Variants in GRK6 observed in about 807,000 individuals in gnomAD.
The protein encoded by GRK6 is G protein-coupled receptor kinase 6.
GRK6 carries 37 observed loss-of-function variants against 80.8 expected under a neutral mutation model. That is an observed-to-expected ratio of 0.46 (90% CI 0.35 to 0.60). The LOEUF (loss-of-function observed/expected upper bound fraction) is 0.60. Ranked by LOEUF, GRK6 falls within the 20% of genes least tolerant of loss-of-function variation. GRK6 has a pLI of 0.00. For missense variants in GRK6, 560 were observed against 784.6 expected, an observed-to-expected ratio of 0.71 and a Z score of 3.42; for synonymous variants, 295 against 320.9, an observed-to-expected ratio of 0.92 and a Z score of 0.86.
chr5:177,436,031 C>A, intron 11 of GRK6, 42 bp from the exon 12 acceptor site: 1 of 1,560,912 alleles, frequency 6.4e-7, no homozygotes, highest in Non-Finnish European at 8.8e-7. Context: ...GGGTCCACTG[C>A]CCGCCTCCTG....
At chr5:177,431,529 G>A (rs1285645461) in intron 2 of GRK6, among the ~76,000 whole-genome samples, 6 of 152,364 alleles carry the variant, frequency 3.9e-5, no homozygotes, top group African/African-American at 1.2e-4. Context: ...CTGCACGTGC[G>A]CAGAGCACAC....
upstream of GRK6, among the ~76,000 whole-genome samples, chr5:177,426,196 G>A (rs945638189): frequency 6.6e-6 from 1 of 152,182 alleles, no homozygotes; most frequent in African/African-American, 2.4e-5. Flanking sequence ...CTGCCAGCCC[G>A]CAGGAGGCCC....
At chr5:177,441,470 C>T in intron 15 of GRK6, 1 of 636,298 alleles carries the variant, frequency 1.6e-6, no homozygotes, top group Non-Finnish European at 2.7e-6. Flanking sequence ...GGGGAGAGGG[C>T]TGGGCAGAGG....
chr5:177,439,970 C>T (rs1042469088), intron 13 of GRK6: 18 of 152,282 alleles, frequency 1.2e-4, no homozygotes, highest in African/African-American at 4.3e-4. Context: ...GTTATTGCTG[C>T]TGTGAACATT....
Position 177,436,056 on chromosome 5 carries a change from C to G in GRK6, c.1058-17C>G. 1 of 1,600,900 alleles carries G rather than the reference C, an allele frequency of 6.2e-7. No homozygotes were observed. The highest frequency in any genetic ancestry group is 1.1e-5 in the South Asian group (1 of 90,712). Reference sequence around the variant, plus strand: ...CCCGCCTCCTGCCCAGCCCTAACTCCCATGCCGCCCGCCCAGCTCCGGAGG... The same window carrying G: ...CCCGCCTCCTGCCCAGCCCTAACTCGCATGCCGCCCGCCCAGCTCCGGAGG... On this transcript the variant is annotated splice_polypyrimidine_tract_variant and intron_variant, in intron 11 of 15. Transcript: ENST00000355472.
At chr5:177,432,524 G>A (rs1246746495) in intron 4 of GRK6, among the ~76,000 whole-genome samples, 182 bp from the exon 5 acceptor site, 3 of 152,186 alleles carry the variant, frequency 2.0e-5, no homozygotes, top group Non-Finnish European at 2.9e-5. Context: ...GCCTCCCAGT[G>A]GCTCTGCTGC....
In GRK6 at chr5:177,433,871, C is replaced by T. The variant is rs183940903; in HGVS notation, c.739-43C>T. On this transcript the variant is annotated intron_variant, in intron 8 of 15. Transcript: ENST00000355472. ...TTTTGGGCAGCCCTGCCGCCAAGCG[C>T]CCCGCAGCTCCTGCCTGAGGGCTCG... 6.3e-3 allele frequency: 9,534 copies of T among 1,518,386 alleles called. 43 individuals carry two copies. Among genetic ancestry groups the T allele is most frequent in the Non-Finnish European group, 7.9e-3 (8,957 of 1,132,096 alleles). The allele number at this position is 1,518,386 out of a possible 1,614,324, so 94.1% of individuals were successfully genotyped here. A position where few individuals can be genotyped will look rare whatever the true frequency, so the allele number is the denominator to read the frequency against.
intron 13 of GRK6, 43 bp from the exon 14 acceptor site, chr5:177,440,657 C>CGT (rs762945457): frequency 4.4e-6 from 7 of 1,606,176 alleles, no homozygotes; most frequent in South Asian, 1.1e-5. Flanking sequence ...TTCGCGTGTG[C>CGT]GTGTGTGTGT....
At position 177,428,370 on chromosome 5, in the gene GRK6, G is replaced by C. The variant is rs1397379385; in HGVS notation, c.52+1473G>C. On this transcript the variant is annotated intron_variant, in intron 1 of 15. Coordinates refer to ENST00000355472, the MANE Select transcript of GRK6 (RefSeq NM_001004106.3). This position sits in a 1 kb window ranked among gnomAD's most constrained non-coding sequence, Gnocchi z 4.1. ...GGCAAGGCACAGGGTGGTATGGCCA[G>C]ACTGGGGACTGGTACCTCCACTAGA... 6.6e-6 allele frequency among the ~76,000 whole-genome samples: 1 copy of C among 152,250 alleles called. No homozygotes were observed. The highest frequency in any genetic ancestry group is 1.5e-5 in the Non-Finnish European group (1 of 68,040).
chr5:177,430,792 A>T, intron 1 of GRK6, 80 bp from the exon 2 acceptor site: 1 of 1,246,620 alleles, frequency 8.0e-7, no homozygotes, highest in Non-Finnish European at 1.2e-6. Context: ...TGGGCCCTAG[A>T]GGCCGTGGAC....
intron 13 of GRK6, among the ~76,000 whole-genome samples, chr5:177,437,691 C>G (rs778520419): frequency 2.0e-5 from 3 of 152,252 alleles, no homozygotes; most frequent in Admixed American, 6.5e-5. Context: ...TTCTCCAGCT[C>G]TTGCCTGGCC....
At position 177,432,783 on chromosome 5, in the gene GRK6, A is replaced by G; in HGVS notation, c.417A>G (p.Lys139=). 6.2e-7 allele frequency: 1 copy of G among 1,612,356 alleles called. No homozygotes were observed. Among genetic ancestry groups the G allele is most frequent in the East Asian group, 2.2e-5 (1 of 44,852 alleles). ...AGCGGCTGGAGCAGGGTCCCTGCAA[A>G]GACCTTTTCCAGGAACTCACCCGGT... ...CTQRLEQGPC[K]DLFQELTRLT... The change falls in exon 5 of 16, where the codon AAA becomes AAG. Residue 139 remains lysine, a synonymous_variant. Coordinates refer to ENST00000355472, the MANE Select transcript of GRK6 (RefSeq NM_001004106.3).
chr5:177,433,456 G>A (rs749193131), intron 7 of GRK6, 46 bp downstream of exon 7: 1 of 1,611,092 alleles, frequency 6.2e-7, no homozygotes, highest in Admixed American at 1.7e-5. Context: ...TAGGGTGGGT[G>A]TGTTGGGACC....
At chr5:177,432,910 C>T (rs756109674) in intron 5 of GRK6, 104 bp downstream of exon 5, 105 of 966,972 alleles carry the variant, frequency 1.1e-4, no homozygotes, top group Non-Finnish European at 1.4e-4. Flanking sequence ...GGGAGCTCAG[C>T]TGCCCAGCCC....
Position 177,428,737 on chromosome 5 carries a change from A to G in GRK6, c.52+1840A>G, listed in dbSNP as rs376803208. On this transcript the variant is annotated intron_variant, in intron 1 of 15. Transcript: ENST00000355472. The surrounding 1 kb of genome is among the most constrained non-coding windows in gnomAD (Gnocchi z 4.1). The stretch of plus-strand genomic sequence containing the variant: ...CTGGCCGACCTGCATGACTTTAAAC[A>G]TGTCTCTTCTTTCTCAACTTCAGTA... Among the ~76,000 whole-genome samples the G allele has an allele frequency of 8.5e-5, 13 of 152,250 alleles. No individual in the cohort carries two copies. In the East Asian group the frequency reaches 2.1e-3, roughly 25 times the overall value.
upstream of GRK6, among the ~76,000 whole-genome samples, chr5:177,425,962 A>G (rs1194797711): frequency 6.6e-6 from 1 of 152,222 alleles, no homozygotes; most frequent in Non-Finnish European, 1.5e-5. Context: ...GCGCTGCCTT[A>G]TAAGGCGGCA....
At position 177,428,811 on chromosome 5, in the gene GRK6, C is replaced by A. The variant is rs560641443; in HGVS notation, c.52+1914C>A. 4.6e-5 allele frequency among the ~76,000 whole-genome samples: 7 copies of A among 152,254 alleles called. No homozygotes were observed. In the South Asian group the frequency reaches 1.2e-3, roughly 27 times the overall value. ...GGTGGGACATAAAGACTAAAGGAAA[C>A]CCTGATTGTCACTGAGTCCTGAGCC... On this transcript the variant is annotated intron_variant, in intron 1 of 15. Transcript: ENST00000355472. The surrounding 1 kb of genome is among the most constrained non-coding windows in gnomAD (Gnocchi z 4.1).
chr5:177,431,739 T>C, intron 2 of GRK6: 1 of 548,036 alleles, frequency 1.8e-6, no homozygotes. Context: ...TGCAGGGAGG[T>C]GGATGGAGGC....
At chr5:177,434,144 C>G in intron 9 of GRK6, 40 bp downstream of exon 9, 1 of 1,483,454 alleles carries the variant, frequency 6.7e-7, no homozygotes, top group Non-Finnish European at 9.0e-7. Context: ...TAGTCCTTCC[C>G]TGCCAGCGAC....
Sources: allele counts gnomAD v4.1 joint callset (sites outside exome capture counted in the v4.1 genomes callset), GRCh38; gene constraint gnomAD v4.1.1; non-coding constraint Gnocchi (gnomAD v3.1); transcripts MANE v1.5; gene names NCBI Gene and HGNC (gene_info 2026-07-23, HGNC 2026-07-21).